TEX15: variants seen among roughly 807,000 people sequenced by gnomAD.
TEX15 encodes the protein testis expressed 15, meiosis and synapsis associated.
A neutral mutation model predicts 237.3 loss-of-function variants in TEX15; 171 were observed. The observed-to-expected ratio is 0.72, with a 90% confidence interval of 0.64 to 0.82. The LOEUF (loss-of-function observed/expected upper bound fraction) is 0.82, where lower values mean the gene tolerates loss of function less well. Ranked by LOEUF, TEX15 falls within the 40% of genes least tolerant of loss-of-function variation. The pLI is 0.00. For missense variants in TEX15, 3,750 were observed against 3,646.5 expected, an observed-to-expected ratio of 1.03 and a Z score of -0.73; for synonymous variants, 1,338 against 1,269.8, an observed-to-expected ratio of 1.05 and a Z score of -1.14.
chr8:30,844,994 C>T lies in TEX15; in HGVS notation c.5173G>A (p.Val1725Met). The T allele has an allele frequency of 6.2e-7, 1 of 1,613,640 alleles. No individual in the cohort carries two copies. The highest frequency in any genetic ancestry group is 2.2e-5 in the East Asian group (1 of 44,870). ...GAAGATTCTCCCTCACTATCTGTCACTGCAGCGGCTGATAACTGAGGAATA... is the reference window on the plus strand; with the variant it reads ...GAAGATTCTCCCTCACTATCTGTCATTGCAGCGGCTGATAACTGAGGAATA... ...YSIPQLSAAA[V>M]TDSEGESSKS... Residue 1725 changes from valine to methionine, a missense_variant, in exon 8 of 11, where the codon GTG (valine) becomes ATG (methionine). Coordinates refer to ENST00000643185, the MANE Select transcript of TEX15 (RefSeq NM_001350162.2).
intron 4 of TEX15, among the ~76,000 whole-genome samples, chr8:30,871,449 C>T (rs970039575): frequency 9.9e-5 from 15 of 152,112 alleles, no homozygotes; most frequent in African/African-American, 3.6e-4. Flanking sequence ...TCCTTGCTCA[C>T]AGCCACCAGA....
chr8:30,882,606 G>A (rs534867541), intron 3 of TEX15, among the ~76,000 whole-genome samples: 1 of 152,092 alleles, frequency 6.6e-6, no homozygotes, highest in Admixed American at 6.5e-5. Context: ...TAACTATGTT[G>A]ACATGTATCT....
intron 7 of TEX15, among the ~76,000 whole-genome samples, chr8:30,857,279 C>T (rs572152007): frequency 6.6e-6 from 1 of 152,102 alleles, no homozygotes; most frequent in Non-Finnish European, 1.5e-5. Flanking sequence ...AGAATCCTAT[C>T]GCACACCAAA....
intron 5 of TEX15, among the ~76,000 whole-genome samples, chr8:30,864,171 ACAGCTCT>A (rs1323724089): frequency 1.3e-5 from 2 of 152,024 alleles, no homozygotes; most frequent in African/African-American, 2.4e-5. Context: ...ACTAAAATGA[ACAGCTCT>A]CTAGAGGGGT....
chr8:30,884,547 C>A (rs1379651402), intron 3 of TEX15, among the ~76,000 whole-genome samples: 2 of 152,154 alleles, frequency 1.3e-5, no homozygotes, highest in African/African-American at 4.8e-5. Flanking sequence ...TATATTTCTT[C>A]TTGTGTGACT....
rs753624931 is a variant in TEX15, at chr8:30,842,889, C to G, written c.7278G>C (p.Val2426=). 1 of 1,609,824 alleles carries G rather than the reference C, an allele frequency of 6.2e-7. No individual in the cohort carries two copies. The highest frequency in any genetic ancestry group is 8.5e-7 in the Non-Finnish European group (1 of 1,177,510). The change falls in exon 8 of 11, where the codon GTG becomes GTC. Residue 2426 remains valine, a synonymous_variant. Transcript: ENST00000643185. ...TAGCCTCATGGCTGTGGTTTATCACCACGTCTAAAACATTTTCTTCTGTGA... is the reference window on the plus strand; with the variant it reads ...TAGCCTCATGGCTGTGGTTTATCACGACGTCTAAAACATTTTCTTCTGTGA... The part of the protein sequence containing the change: ...IFITEENVLD[V]VINHSHEAII...
At chr8:30,892,800 G>A (rs550869327) in intron 2 of TEX15, among the ~76,000 whole-genome samples, 104 of 152,210 alleles carry the variant, frequency 6.8e-4, no homozygotes, top group East Asian at 4.6e-3. Context: ...TTGGGAGGCC[G>A]AGGCAGGCGG....
At chr8:30,883,799 C>T (rs188828529) in intron 3 of TEX15, among the ~76,000 whole-genome samples, 2 of 152,148 alleles carry the variant, frequency 1.3e-5, no homozygotes, top group South Asian at 2.1e-4. Context: ...TAAATATTAC[C>T]GCAATAAACA....
At chr8:30,856,486 G>A (rs575718075) in intron 7 of TEX15, among the ~76,000 whole-genome samples, 1 of 152,148 alleles carries the variant, frequency 6.6e-6, no homozygotes, top group East Asian at 1.9e-4. Flanking sequence ...CTTGGGAGGC[G>A]GAGGCTGCGG....
At position 30,842,063 on chromosome 8, in the gene TEX15, A is replaced by G. The variant is rs774046577; in HGVS notation, c.8104T>C (p.Cys2702Arg). ...TGCTGTTGTTCCTGAGAGTCTTCAC[A>G]TTTGTCTACAGTGCTCGGTCGTTTT... ...SKKRPSTVDKCEDSQEQQQDT... is the reference protein window; with the variant it reads ...SKKRPSTVDKREDSQEQQQDT... The change falls in exon 8 of 11, where the codon TGT (cysteine) becomes CGT (arginine). Residue 2702 changes from cysteine to arginine, a missense_variant. Coordinates refer to ENST00000643185, the MANE Select transcript of TEX15 (RefSeq NM_001350162.2). The G allele has an allele frequency of 1.2e-6, 2 of 1,612,204 alleles. No homozygotes were observed. Among genetic ancestry groups the G allele is most frequent in the Admixed American group, 1.7e-5 (1 of 59,790 alleles).
At chr8:30,849,776 G>A (rs1029052262) in intron 7 of TEX15, among the ~76,000 whole-genome samples, 4 of 151,830 alleles carry the variant, frequency 2.6e-5, no homozygotes, top group African/African-American at 9.7e-5. Flanking sequence ...GTGGGCACCT[G>A]TAATCCCAGC....
At position 30,847,359 on chromosome 8, in the gene TEX15, A is replaced by G. The variant is rs771270212; in HGVS notation, c.2808T>C (p.Thr936=). The G allele has an allele frequency of 1.5e-5, 24 of 1,613,648 alleles. No homozygotes were observed. The highest frequency in any genetic ancestry group is 1.9e-5 in the Non-Finnish European group (23 of 1,179,908). ...TATCTTCTTCACTCTCTAATAATGC[A>G]GTTGCTGCTGACACTGCATTATCTT... ...CREDNAVSAA[T]ALLESEEDTI... The change falls in exon 8 of 11, where the codon ACT becomes ACC. Residue 936 remains threonine, a synonymous_variant. Transcript: ENST00000643185.
rs1303953788 is a variant in TEX15, at chr8:30,842,439, A to G, written c.7728T>C (p.Asn2576=). 1.9e-6 allele frequency: 3 copies of G among 1,613,492 alleles called. No individual in the cohort carries two copies. Among genetic ancestry groups the G allele is most frequent in the African/African-American group, 2.7e-5 (2 of 74,884 alleles). The change falls in exon 8 of 11, where the codon AAT becomes AAC. Residue 2576 remains asparagine, a synonymous_variant. Transcript: ENST00000643185. ...IDFVPYIASI[N]YGSTVTELEY... ...CTAACTCTGTCACAGTGCTTCCATAATTTATGGATGCTATATATGGCACAA... is the reference window on the plus strand; with the variant it reads ...CTAACTCTGTCACAGTGCTTCCATAGTTTATGGATGCTATATATGGCACAA...
At chr8:30,856,959 A>C (rs1377371704) in intron 7 of TEX15, among the ~76,000 whole-genome samples, 4 of 152,194 alleles carry the variant, frequency 2.6e-5, no homozygotes, top group African/African-American at 9.6e-5. Flanking sequence ...AGGACCAGAA[A>C]CAAAAAATTA....
At position 30,837,679 on chromosome 8, in the gene TEX15, CT is replaced by C; in HGVS notation, c.8604del (p.Asp2869IlefsTer11). On this transcript the variant is annotated frameshift_variant, in exon 10 of 11. Coordinates refer to ENST00000643185, the MANE Select transcript of TEX15 (RefSeq NM_001350162.2). LOFTEE classifies it high-confidence loss of function. ...TLLQKFLKNS[P>X]DPTQKSCLSD... Reference sequence around the variant, plus strand: ...GAAAGGCAGGATTTTTGGGTGGGATCTGGGGAATTTTTAAGAAATTTCTGCA... The same window carrying C: ...GAAAGGCAGGATTTTTGGGTGGGATCGGGGAATTTTTAAGAAATTTCTGCA... 1 of 1,613,904 alleles carries C rather than the reference CT, an allele frequency of 6.2e-7. No homozygotes were observed. The highest frequency in any genetic ancestry group is 2.2e-5 in the East Asian group (1 of 44,866).
Position 30,848,333 on chromosome 8 carries a change from C to T in TEX15, c.1834G>A (p.Asp612Asn), listed in dbSNP as rs1333264556. 1.9e-6 allele frequency: 3 copies of T among 1,614,068 alleles called. No individual in the cohort carries two copies. The highest frequency in any genetic ancestry group is 2.2e-5 in the South Asian group (2 of 91,048). The change falls in exon 8 of 11, where the codon GAT (aspartate) becomes AAT (asparagine). Residue 612 changes from aspartate to asparagine, a missense_variant. Asp to Asn is a conservative substitution (Grantham distance 23). Transcript: ENST00000643185. ...TTTCCAGTATTTTGAAGGTATTCAT[C>T]AATGCTTACTTTCTTTTTGAGTGGA... ...VFPLKKKVSI[D>N]EYLQNTGKMK...
At position 30,836,204 on chromosome 8, in the gene TEX15, C is replaced by CGT. The variant is rs1394326173; in HGVS notation, c.9481+597_9481+598dup. On this transcript the variant is annotated intron_variant, in intron 10 of 10. Coordinates refer to ENST00000643185, the MANE Select transcript of TEX15 (RefSeq NM_001350162.2). Reference sequence around the variant, plus strand: ...ATGGTTGCGTCACATTTCACTGTATCGTTTTTTTTTTTTTTTTTTTTTTTT... The same window carrying CGT: ...ATGGTTGCGTCACATTTCACTGTATCGTGTTTTTTTTTTTTTTTTTTTTTTTT... 1.6e-4 allele frequency among the ~76,000 whole-genome samples: 3 copies of CGT among 18,848 alleles called. No homozygotes were observed. In the East Asian group the frequency reaches 7.0e-3, roughly 44 times the overall value. The allele number at this position is 18,848 out of a possible 152,430, so 12.4% of individuals were successfully genotyped here.
chr8:30,865,290 T>C (rs1808135839), intron 5 of TEX15, among the ~76,000 whole-genome samples: 1 of 151,996 alleles, frequency 6.6e-6, no homozygotes, highest in African/African-American at 2.4e-5. Context: ...CTTGAATAGA[T>C]AAATAATGAG....
At chr8:30,839,474 C>T (rs564959694) in intron 9 of TEX15, among the ~76,000 whole-genome samples, 5 of 152,034 alleles carry the variant, frequency 3.3e-5, no homozygotes, top group Admixed American at 6.5e-5. Context: ...TTTAAAAGTC[C>T]CTTTTTGATT....
Sources: gnomAD v4.1 joint callset for allele counts (sites outside exome capture counted in the v4.1 genomes callset) on GRCh38, gnomAD v4.1.1 for gene constraint, MANE v1.5 for transcripts, NCBI Gene and HGNC (gene_info 2026-07-23, HGNC 2026-07-21) for gene names.